MAGOH: variants seen among roughly 807,000 people sequenced by gnomAD.
MAGOH encodes the protein protein mago nashi homolog.
In MAGOH, 3 loss-of-function variants were observed where a neutral mutation model predicts 20.9. The ratio of observed to expected loss-of-function variants is 0.14; its 90% confidence interval spans 0.07 to 0.37. The LOEUF (loss-of-function observed/expected upper bound fraction) is 0.37, where lower values mean the gene tolerates loss of function less well. Ranked by LOEUF, MAGOH falls within the 10% of genes least tolerant of loss-of-function variation. The pLI is 1.00. For synonymous variants in MAGOH, 51 were observed against 61.0 expected, an observed-to-expected ratio of 0.84 and a Z score of 0.76; for missense variants, 66 against 178.1, an observed-to-expected ratio of 0.37 and a Z score of 3.58.
intron 1 of MAGOH, among the ~76,000 whole-genome samples, chr1:53,235,966 C>T (rs149493020): frequency 3.0e-4 from 45 of 152,294 alleles, no homozygotes; most frequent in African/African-American, 9.6e-4. Flanking sequence ...GATAACTTAC[C>T]GACACATAGG....
intron 4 of MAGOH, among the ~76,000 whole-genome samples, chr1:53,228,239 G>A (rs1156525498): frequency 6.6e-6 from 1 of 152,076 alleles, no homozygotes; most frequent in East Asian, 1.9e-4. Context: ...AGACCAGCCT[G>A]GCCAACATGG....
At chr1:53,227,583 C>T (rs750277183) in intron 4 of MAGOH, among the ~76,000 whole-genome samples, 1 of 152,056 alleles carries the variant, frequency 6.6e-6, no homozygotes, top group Non-Finnish European at 1.5e-5. Flanking sequence ...TCTTGTTGCC[C>T]AGGCTGGAGT....
chr1:53,238,304 C>G, intron 1 of MAGOH, 57 bp downstream of exon 1: 19 of 1,537,150 alleles, frequency 1.2e-5, no homozygotes, highest in Non-Finnish European at 1.6e-5. Flanking sequence ...TCGGCCTCCC[C>G]ACTCGCCGGC....
chr1:53,238,515 C>T lies in MAGOH; in HGVS notation c.-67G>A, dbSNP rs1645629633. ...CCGCACTGCCGCCGTCTGCGCCCGA[C>T]ACTGACGTTTGCGGCGGCGCGCGGA... On this transcript the variant is annotated 5_prime_UTR_variant, in exon 1 of 5. Transcript: ENST00000371470. 1.4e-6 allele frequency: 2 copies of T among 1,439,640 alleles called. No individual in the cohort carries two copies. The highest frequency in any genetic ancestry group is 2.8e-5 in the African/African-American group (2 of 71,408). 89.2% of individuals were successfully genotyped at this position (1,439,640 alleles called of 1,614,324 possible). A position where few individuals can be genotyped will look rare whatever the true frequency, so the allele number is the denominator to read the frequency against.
At chr1:53,238,311 C>T (rs199968383) in intron 1 of MAGOH, 50 bp downstream of exon 1, 13 of 1,574,504 alleles carry the variant, frequency 8.3e-6, no homozygotes, top group Non-Finnish European at 1.1e-5. Flanking sequence ...CCCCACTCGC[C>T]GGCCCCCAGG....
chr1:53,227,495 C>T (rs1645566127), intron 4 of MAGOH, among the ~76,000 whole-genome samples: 1 of 152,088 alleles, frequency 6.6e-6, no homozygotes, highest in African/African-American at 2.4e-5. Flanking sequence ...GTATTTTCTA[C>T]AATGAGCATG....
rs1645564003 is a variant in MAGOH, at chr1:53,227,078, A to G, written c.408T>C (p.Leu136=). 6 of 1,594,778 alleles carry G rather than the reference A, an allele frequency of 3.8e-6. No individual in the cohort carries two copies. The highest frequency in any genetic ancestry group is 5.1e-6 in the Non-Finnish European group (6 of 1,172,206). ...GTTTAATCTTGAAGTGTAATCCAAT[A>G]AGACTGAAGACCAAACACTTCAGGT... ...VQDLKCLVFS[L]IGLHFKIKPI The change falls in exon 5 of 5, where the codon CTT becomes CTC. Residue 136 remains leucine, a synonymous_variant. Transcript: ENST00000371470.
chr1:53,231,642 GGCTCTCTATTCT>G (rs1645587442), intron 3 of MAGOH, among the ~76,000 whole-genome samples: 1 of 152,018 alleles, frequency 6.6e-6, no homozygotes, highest in African/African-American at 2.4e-5. Flanking sequence ...TTGGTTTCTG[GGCTCTCTATTCT>G]GTTCCATTGG....
At chr1:53,230,564 T>G (rs891876026) in intron 3 of MAGOH, among the ~76,000 whole-genome samples, 16 of 151,804 alleles carry the variant, frequency 1.1e-4, no homozygotes, top group African/African-American at 3.1e-4. Flanking sequence ...ACTACAGGTA[T>G]GCGCCACCAC....
rs1645627910 is a variant in MAGOH, at chr1:53,238,344, C to A, written c.88+17G>T. Reference sequence around the variant, plus strand: ...AGGCCTGGTCCCCGCTCCCGGCGGGCGGCAGGCTGCTTTTACCGTCCGGTC... The same window carrying A: ...AGGCCTGGTCCCCGCTCCCGGCGGGAGGCAGGCTGCTTTTACCGTCCGGTC... On this transcript the variant is annotated intron_variant, in intron 1 of 4. Coordinates refer to ENST00000371470, the MANE Select transcript of MAGOH (RefSeq NM_002370.4). The A allele has an allele frequency of 6.2e-7, 1 of 1,613,384 alleles. No homozygotes were observed. Among genetic ancestry groups the A allele is most frequent in the Non-Finnish European group, 8.5e-7 (1 of 1,179,442 alleles).
intron 2 of MAGOH, chr1:53,233,929 G>C: frequency 3.5e-6 from 1 of 282,604 alleles, no homozygotes. Flanking sequence ...AACTCACAAC[G>C]AAACCCAAAA....
intron 2 of MAGOH, 54 bp downstream of exon 2, chr1:53,235,523 C>G: frequency 6.7e-7 from 1 of 1,490,274 alleles, no homozygotes; most frequent in Non-Finnish European, 9.3e-7. Flanking sequence ...CAATGCAAGA[C>G]AAAAAGCTGA....
At position 53,238,066 on chromosome 1, in the gene MAGOH, C is replaced by G. The variant is rs538563021; in HGVS notation, c.88+295G>C. 2.0e-5 allele frequency among the ~76,000 whole-genome samples: 3 copies of G among 152,304 alleles called. No individual in the cohort carries two copies. In the East Asian group the frequency reaches 5.8e-4, roughly 29 times the overall value. On this transcript the variant is annotated intron_variant, in intron 1 of 4. Transcript: ENST00000371470. Reference sequence around the variant, plus strand: ...CTGGAATCATCTTTTTGTTTATGATCTCTCTCCCGGCAGTAAAACACAAGT... The same window carrying G: ...CTGGAATCATCTTTTTGTTTATGATGTCTCTCCCGGCAGTAAAACACAAGT...
At chr1:53,227,969 G>A (rs1645568405) in intron 4 of MAGOH, among the ~76,000 whole-genome samples, 1 of 152,174 alleles carries the variant, frequency 6.6e-6, no homozygotes, top group Non-Finnish European at 1.5e-5. Context: ...CCAAAAGTGA[G>A]CCGTACCTAA....
intron 3 of MAGOH, among the ~76,000 whole-genome samples, chr1:53,229,835 C>T (rs2100302541): frequency 1.3e-5 from 2 of 152,232 alleles, no homozygotes; most frequent in South Asian, 4.1e-4. Flanking sequence ...GGGAGGATTC[C>T]TTCACCCCAG....
intron 3 of MAGOH, among the ~76,000 whole-genome samples, chr1:53,229,390 C>T (rs777298396): frequency 2.0e-5 from 3 of 151,866 alleles, no homozygotes; most frequent in African/African-American, 7.3e-5. Context: ...TTAGTAGAGA[C>T]GGGGTTTCAC....
chr1:53,227,315 A>T (rs1349459547), intron 4 of MAGOH, among the ~76,000 whole-genome samples, 171 bp from the exon 5 acceptor site: 1 of 152,202 alleles, frequency 6.6e-6, no homozygotes, highest in Non-Finnish European at 1.5e-5. Context: ...TTAAAATAAC[A>T]ATTATTAATC....
chr1:53,234,371 T>C (rs1002945931), intron 2 of MAGOH, among the ~76,000 whole-genome samples: 1 of 141,140 alleles, frequency 7.1e-6, no homozygotes, highest in Non-Finnish European at 1.6e-5. Context: ...GCCCTGGTTA[T>C]TCTTTTTTTT....
chr1:53,227,230 G>T, intron 4 of MAGOH, 86 bp from the exon 5 acceptor site: 2 of 599,916 alleles, frequency 3.3e-6, no homozygotes, highest in East Asian at 3.2e-5. Flanking sequence ...ATATTAAAAC[G>T]GTATATTATG....
Sources: allele counts gnomAD v4.1 joint callset (sites outside exome capture counted in the v4.1 genomes callset), GRCh38; gene constraint gnomAD v4.1.1; transcripts MANE v1.5; gene names NCBI Gene and HGNC (gene_info 2026-07-23, HGNC 2026-07-21).